Variants in GALNT10 observed in about 807,000 individuals in gnomAD.
GALNT10 encodes the protein polypeptide N-acetylgalactosaminyltransferase 10, also known as GalNAc transferase 10.
In GALNT10, 41 loss-of-function variants were observed where a neutral mutation model predicts 75.0. That is an observed-to-expected ratio of 0.55 (90% CI 0.43 to 0.71). The LOEUF (loss-of-function observed/expected upper bound fraction) is 0.71. Among genes scored for constraint, GALNT10 ranks in the 30% least tolerant of loss-of-function variants. The pLI is 0.00. For missense variants in GALNT10, 727 were observed against 818.5 expected (o/e 0.89, Z 1.36); for synonymous variants, 302 against 313.0 (o/e 0.96, Z 0.37).
intron 5 of GALNT10, 28 bp from the exon 6 acceptor site, chr5:154,380,420 T>C (rs1755715032): frequency 6.3e-7 from 1 of 1,592,178 alleles, no homozygotes; most frequent in African/African-American, 1.3e-5. Flanking sequence ...TCCTGCTTCA[T>C]CTGATAGGCA....
At chr5:154,208,755 A>G (rs570657461) in intron 1 of GALNT10, among the ~76,000 whole-genome samples, 1 of 152,324 alleles carries the variant, frequency 6.6e-6, no homozygotes, top group African/African-American at 2.4e-5. Flanking sequence ...AGTTTAATAT[A>G]AAGAATTATT....
intron 1 of GALNT10, among the ~76,000 whole-genome samples, chr5:154,283,457 A>T (rs1754070989): frequency 6.6e-6 from 1 of 151,764 alleles, no homozygotes; most frequent in Admixed American, 6.6e-5. Context: ...CCTATCTCTT[A>T]AAAAAAATAA....
chr5:154,394,171 G>T (rs1755966392), intron 7 of GALNT10, among the ~76,000 whole-genome samples: 1 of 152,148 alleles, frequency 6.6e-6, no homozygotes, highest in Non-Finnish European at 1.5e-5. Context: ...CCCTGCAGAA[G>T]TCAGGAAGGT....
intron 3 of GALNT10, among the ~76,000 whole-genome samples, chr5:154,304,441 C>T (rs904919387): frequency 2.0e-5 from 3 of 151,884 alleles, no homozygotes; most frequent in African/African-American, 7.3e-5. Flanking sequence ...GTAAACAGTA[C>T]AAAGAAGAAT....
Position 154,413,417 on chromosome 5 carries a change from A to G in GALNT10, c.1503+412A>G, listed in dbSNP as rs535449197. 7.9e-5 allele frequency among the ~76,000 whole-genome samples: 12 copies of G among 152,310 alleles called. No individual in the cohort carries two copies. In the South Asian group the frequency reaches 2.5e-3, roughly 32 times the overall value. The stretch of plus-strand genomic sequence containing the variant: ...CATGGATAGGCATGCCACTTCCAAG[A>G]GTTCTGGAAAAGCCCTGGGGCTCCC... On this transcript the variant is annotated intron_variant, in intron 10 of 11. Transcript: ENST00000297107.
intron 2 of GALNT10, 148 bp downstream of exon 2, chr5:154,295,066 C>T: frequency 4.1e-6 from 2 of 485,082 alleles, no homozygotes; most frequent in Non-Finnish European, 7.5e-6. Context: ...TCCCTGTCAG[C>T]CACCATCCCT....
At chr5:154,377,722 A>T (rs1378006941) in intron 5 of GALNT10, among the ~76,000 whole-genome samples, 1 of 152,180 alleles carries the variant, frequency 6.6e-6, no homozygotes, top group African/African-American at 2.4e-5. Flanking sequence ...TTCTTATTAG[A>T]TTCTGTGCTT....
At chr5:154,339,988 A>C (rs940166405) in intron 4 of GALNT10, among the ~76,000 whole-genome samples, 4 of 152,166 alleles carry the variant, frequency 2.6e-5, no homozygotes, top group African/African-American at 9.7e-5. Flanking sequence ...ATTCTTATCT[A>C]CTCAGGGTTT....
At chr5:154,301,554 G>GTT (rs1223187515) in intron 3 of GALNT10, among the ~76,000 whole-genome samples, 1 of 137,532 alleles carries the variant, frequency 7.3e-6, no homozygotes, top group African/African-American at 2.8e-5. Flanking sequence ...GTTGCTTCTT[G>GTT]TTTTTTTGTT....
At chr5:154,314,677 T>G (rs187001989) in intron 3 of GALNT10, among the ~76,000 whole-genome samples, 5 of 151,660 alleles carry the variant, frequency 3.3e-5, no homozygotes, top group Admixed American at 3.3e-4. Context: ...TCCATCTCGT[T>G]AAGGGAAAAT....
chr5:154,312,846 T>A (rs944811015), intron 3 of GALNT10, among the ~76,000 whole-genome samples: 1 of 152,246 alleles, frequency 6.6e-6, no homozygotes, highest in Admixed American at 6.5e-5. Flanking sequence ...TTAGGGTTAT[T>A]TTGTGCCTTG....
intron 1 of GALNT10, among the ~76,000 whole-genome samples, chr5:154,288,646 A>G (rs551477976): frequency 6.6e-6 from 1 of 152,318 alleles, no homozygotes; most frequent in East Asian, 1.9e-4. Context: ...CTGTAGCAGA[A>G]GGACATCTGG....
chr5:154,271,776 A>G (rs1753869257), intron 1 of GALNT10, among the ~76,000 whole-genome samples: 1 of 152,250 alleles, frequency 6.6e-6, no homozygotes, highest in African/African-American at 2.4e-5. Flanking sequence ...AAATGCAGGT[A>G]GAGTCCACGC....
In GALNT10 at chr5:154,415,868, C is replaced by T. The variant is rs771607017; in HGVS notation, c.1589C>T (p.Thr530Ile). ...TTCTGCTTTGATGCCATTTCCCACA[C>T]CAGCCCTGTCACGCTGTACGACTGC... Reference protein sequence around the residue: ...KKFCFDAISHTSPVTLYDCHS... With the variant: ...KKFCFDAISHISPVTLYDCHS... The change falls in exon 11 of 12, where the codon ACC becomes ATC. Residue 530 changes from threonine to isoleucine, a missense_variant. Coordinates refer to ENST00000297107, the MANE Select transcript of GALNT10 (RefSeq NM_198321.4). 1 of 1,614,164 alleles carries T rather than the reference C, an allele frequency of 6.2e-7. No homozygotes were observed. Among genetic ancestry groups the T allele is most frequent in the Non-Finnish European group, 8.5e-7 (1 of 1,180,004 alleles).
intron 1 of GALNT10, among the ~76,000 whole-genome samples, chr5:154,233,628 G>C (rs12659375): frequency 0.61 from 92,020 of 151,944 alleles, 29,108 homozygotes; most frequent in East Asian, 0.85. Context: ...CCCACCAGCC[G>C]CCCACCATGG....
chr5:154,374,020 A>T (rs1581997933), intron 4 of GALNT10, among the ~76,000 whole-genome samples: 2 of 152,304 alleles, frequency 1.3e-5, no homozygotes, highest in Admixed American at 1.3e-4. Context: ...AACCCAGCCA[A>T]GAAGAAGCGG....
Position 154,298,133 on chromosome 5 carries a change from G to T in GALNT10, c.401+54G>T, listed in dbSNP as rs950913184. 1.2e-5 allele frequency: 19 copies of T among 1,539,976 alleles called. No individual in the cohort carries two copies. The highest frequency in any genetic ancestry group is 2.3e-5 in the South Asian group (2 of 86,586). On this transcript the variant is annotated intron_variant, in intron 3 of 11. Coordinates refer to ENST00000297107, the MANE Select transcript of GALNT10 (RefSeq NM_198321.4). The surrounding 1 kb of genome is among the most constrained non-coding windows in gnomAD (Gnocchi z 4.1). ...ATCTAAGGATGTTTCCCTGGCTGTT[G>T]TTGAGAATTAATTAAGGAAGCAGGT... is the stretch of plus-strand genomic sequence containing the variant.
At chr5:154,329,390 G>T in intron 3 of GALNT10, 182 bp from the exon 4 acceptor site, 1 of 600,862 alleles carries the variant, frequency 1.7e-6, no homozygotes, top group South Asian at 2.0e-5. Flanking sequence ...GCAGAGATTG[G>T]AGGTAGGACT....
chr5:154,385,825 G>A (rs771567966), intron 6 of GALNT10, among the ~76,000 whole-genome samples: 40 of 152,230 alleles, frequency 2.6e-4, no homozygotes, highest in Non-Finnish European at 5.4e-4. Flanking sequence ...AGTTGTCAAA[G>A]GAGCATGTTC....
Sources: allele counts gnomAD v4.1 joint callset (sites outside exome capture counted in the v4.1 genomes callset), GRCh38; gene constraint gnomAD v4.1.1; non-coding constraint Gnocchi (gnomAD v3.1); transcripts MANE v1.5; gene names NCBI Gene and HGNC (gene_info 2026-07-23, HGNC 2026-07-21).